AFF3: variants seen among roughly 807,000 people sequenced by gnomAD.
AFF3 encodes ALF transcription elongation factor 3, also known as AF4/FMR2 family member 3.
Under a neutral mutation model 129.7 loss-of-function variants are expected in AFF3, and 32 were observed. The ratio of observed to expected loss-of-function variants is 0.25; its 90% confidence interval spans 0.19 to 0.33. AFF3 has a LOEUF of 0.33. AFF3 is among the 10% of genes least tolerant of loss of function. The pLI is 1.00. For synonymous variants in AFF3, 644 were observed against 635.4 expected, an observed-to-expected ratio of 1.01 and a Z score of -0.20; for missense variants, 1,373 against 1,592.0, an observed-to-expected ratio of 0.86 and a Z score of 2.34.
intron 8 of AFF3, among the ~76,000 whole-genome samples, chr2:99,835,630 C>T (rs1052757061): frequency 7.9e-5 from 12 of 152,150 alleles, no homozygotes; most frequent in East Asian, 1.9e-4. Context: ...GCTCAACTAG[C>T]GCCACCATCA....
intron 7 of AFF3, among the ~76,000 whole-genome samples, chr2:99,867,003 A>T (rs6741662): frequency 0.42 from 41,146 of 98,050 alleles, 7,044 homozygotes; most frequent in Non-Finnish European, 0.48. Context: ...ATAATAATAA[A>T]AAATAAATAA....
intron 3 of AFF3, chr2:100,104,894 G>T: frequency 8.4e-6 from 2 of 236,812 alleles, no homozygotes; most frequent in Non-Finnish European, 1.3e-5. Flanking sequence ...AGGCCGAGGC[G>T]CGCGCGCACC....
At chr2:99,897,089 T>C (rs886341193) in intron 7 of AFF3, among the ~76,000 whole-genome samples, 13 of 152,190 alleles carry the variant, frequency 8.5e-5, no homozygotes, top group Admixed American at 7.9e-4. Flanking sequence ...TTTAAAAAGC[T>C]GAACAATAGT....
intron 10 of AFF3, among the ~76,000 whole-genome samples, chr2:99,727,384 C>A (rs2105000884): frequency 6.6e-6 from 1 of 152,274 alleles, no homozygotes; most frequent in Non-Finnish European, 1.5e-5. Flanking sequence ...GGAGTGGAGA[C>A]TTTGCCAGAA....
intron 2 of AFF3, chr2:100,107,156 A>G: frequency 8.1e-6 from 8 of 985,440 alleles, no homozygotes; most frequent in Non-Finnish European, 9.6e-6. Context: ...GTCTTGGAGA[A>G]TGAGGACTTT....
rs1678905343 is a variant in AFF3, at chr2:99,593,211, G to A, written c.2450C>T (p.Ser817Phe). 6.3e-7 allele frequency: 1 copy of A among 1,587,780 alleles called. No homozygotes were observed. The change falls in exon 15 of 25, where the codon TCC becomes TTC. Residue 817 changes from serine (S) to phenylalanine (F), a missense_variant. Physicochemically the swap from Ser to Phe is radical, Grantham distance 155. Coordinates refer to ENST00000672756, the MANE Select transcript of AFF3 (RefSeq NM_001386135.1). ...DTPAEKALPK[S>F]KRKRKCDNED... ...CAGGCCTACCTTGCGTTTCCTCTTG[G>A]ATTTTGGCAAAGCCTTTTCTGCAGG...
At chr2:99,710,907 C>T (rs888327180) in intron 11 of AFF3, among the ~76,000 whole-genome samples, 3 of 152,144 alleles carry the variant, frequency 2.0e-5, no homozygotes, top group African/African-American at 4.8e-5. Context: ...GCAGGTGGGA[C>T]GAGGCTGGGA....
intron 5 of AFF3, 81 bp from the exon 6 acceptor site, chr2:100,007,541 C>T (rs1682086652): frequency 2.3e-6 from 3 of 1,319,124 alleles, no homozygotes; most frequent in Non-Finnish European, 3.1e-6. Context: ...CCTTATCAAT[C>T]ACAGAGCCAG....
At chr2:99,837,401 A>G in intron 8 of AFF3, 76 bp downstream of exon 8, 1 of 1,414,504 alleles carries the variant, frequency 7.1e-7, no homozygotes, top group East Asian at 2.3e-5. Context: ...CTCCTTTATC[A>G]TGGAGCCGCA....
chr2:99,795,928 T>C (rs539082074), intron 8 of AFF3, among the ~76,000 whole-genome samples: 1 of 152,274 alleles, frequency 6.6e-6, no homozygotes, highest in Admixed American at 6.5e-5. Flanking sequence ...AGAAATCTGT[T>C]TTAGAAAAAT....
intron 22 of AFF3, among the ~76,000 whole-genome samples, chr2:99,557,990 C>A (rs1675107534): frequency 6.6e-6 from 1 of 152,224 alleles, no homozygotes; most frequent in Admixed American, 6.5e-5. Context: ...CACAACAGTA[C>A]ATCAGCGAAG....
rs540055065 is a variant in AFF3, at chr2:99,675,278, C to T, written c.1092-2689G>A. On this transcript the variant is annotated intron_variant, in intron 11 of 24. Coordinates refer to ENST00000672756, the MANE Select transcript of AFF3 (RefSeq NM_001386135.1). The stretch of plus-strand genomic sequence containing the variant: ...AATCTAACTAAACTTCAGAATATTT[C>T]GAAATATGAGAAAGTGGCCATGGAA... Among the ~76,000 whole-genome samples the T allele has an allele frequency of 1.6e-3, 240 of 152,264 alleles. 2 individuals are homozygous for T. The highest frequency in any genetic ancestry group is 5.5e-3 in the African/African-American group (230 of 41,550).
chr2:99,808,865 T>TA (rs1439053963), intron 8 of AFF3, among the ~76,000 whole-genome samples: 1 of 152,228 alleles, frequency 6.6e-6, no homozygotes, highest in African/African-American at 2.4e-5. Flanking sequence ...TTTTCCATAA[T>TA]ACACTGTTAA....
rs1163972124 is a variant in AFF3 at position 100,081,519 on chromosome 2, G to A, written c.53+22883C>T. Among the ~76,000 whole-genome samples the A allele has an allele frequency of 5.9e-5, 9 of 152,066 alleles. No homozygotes were observed. The South Asian group carries it at 6.2e-4, about 11-fold the overall frequency. On this transcript the variant is annotated intron_variant, in intron 4 of 24. Coordinates refer to ENST00000672756, the MANE Select transcript of AFF3 (RefSeq NM_001386135.1). ...TCTGTTGAGCCTCCACCCTGCATCCGGCATTCCTGAACGTCCCCTGACCTG... is the reference window on the plus strand; with the variant it reads ...TCTGTTGAGCCTCCACCCTGCATCCAGCATTCCTGAACGTCCCCTGACCTG...
intron 7 of AFF3, among the ~76,000 whole-genome samples, chr2:99,868,951 CA>C (rs2105951472): frequency 1.3e-5 from 2 of 152,230 alleles, no homozygotes; most frequent in African/African-American, 4.8e-5. Context: ...CACCACTGTG[CA>C]TGGCTAACAT....
intron 7 of AFF3, among the ~76,000 whole-genome samples, chr2:99,966,715 A>G (rs1172922257): frequency 1.4e-5 from 2 of 147,946 alleles, no homozygotes; most frequent in African/African-American, 2.5e-5. Context: ...AAAAAAAAAA[A>G]AAAAAAAGAA....
At chr2:99,856,319 C>T (rs1161599439) in intron 7 of AFF3, among the ~76,000 whole-genome samples, 2 of 152,002 alleles carry the variant, frequency 1.3e-5, no homozygotes, top group Non-Finnish European at 2.9e-5. Context: ...TTCAAAATGT[C>T]CAAGATATAA....
chr2:99,613,379 T>C (rs989851558), intron 13 of AFF3, among the ~76,000 whole-genome samples: 1 of 152,226 alleles, frequency 6.6e-6, no homozygotes, highest in African/African-American at 2.4e-5. Flanking sequence ...CAGAACCTTT[T>C]AGAATGGCAA....
At chr2:99,563,339 G>A (rs1441588649) in intron 20 of AFF3, among the ~76,000 whole-genome samples, 1 of 151,464 alleles carries the variant, frequency 6.6e-6, no homozygotes, top group Non-Finnish European at 1.5e-5. Context: ...TACAGGTGCC[G>A]GCCACCACGC....
Sources: allele counts gnomAD v4.1 joint callset (sites outside exome capture counted in the v4.1 genomes callset), GRCh38; gene constraint gnomAD v4.1.1; transcripts MANE v1.5; gene names NCBI Gene and HGNC (gene_info 2026-07-23, HGNC 2026-07-21).